FNDC1: variants seen among roughly 807,000 people sequenced by gnomAD.
The protein encoded by FNDC1 is fibronectin type III domain containing 1, also known as fibronectin type III domain-containing protein 1.
Under a neutral mutation model 168.0 loss-of-function variants are expected in FNDC1, and 96 were observed. The observed-to-expected ratio is 0.57, with a 90% CI of 0.48 to 0.68. The LOEUF is 0.68. FNDC1 is among the 30% of genes least tolerant of loss of function. The pLI, the probability that FNDC1 is intolerant of heterozygous loss-of-function variation, is 0.00. For synonymous variants in FNDC1, 1,099 were observed against 1,025.9 expected (o/e 1.07, Z -1.36); for missense variants, 2,587 against 2,482.1 (o/e 1.04, Z -0.90).
intron 4 of FNDC1, among the ~76,000 whole-genome samples, chr6:159,207,852 A>G (rs560744613): frequency 6.6e-6 from 1 of 152,334 alleles, no homozygotes; most frequent in South Asian, 2.1e-4. Flanking sequence ...ACCCCGACAA[A>G]TCAAAACTCT....
chr6:159,169,904 G>A lies in FNDC1; in HGVS notation c.109+199G>A, dbSNP rs1398082680. 3 of 232,526 alleles carry A rather than the reference G, an allele frequency of 1.3e-5. No individual in the cohort carries two copies. Among genetic ancestry groups the A allele is most frequent in the East Asian group, 1.8e-4 (2 of 10,972 alleles). The allele number at this position is 232,526 out of a possible 1,614,324, so 14.4% of individuals were successfully genotyped here. A position where few individuals can be genotyped will look rare whatever the true frequency, so the allele number is the denominator to read the frequency against. On this transcript the variant is annotated intron_variant, in intron 1 of 22. Transcript: ENST00000297267. The surrounding 1 kb of genome is among the most constrained non-coding windows in gnomAD (Gnocchi z 6.8). ...CCTCGGTGCCCGGGGACCGCAGCGC[G>A]CTGGCGTTTAACTTTGCCGTCGCCC...
intron 16 of FNDC1, among the ~76,000 whole-genome samples, 191 bp downstream of exon 16, chr6:159,249,373 T>C (rs1042938919): frequency 6.6e-6 from 1 of 152,186 alleles, no homozygotes; most frequent in Non-Finnish European, 1.5e-5. Context: ...TCTGCCAAAA[T>C]CAGAAGAGGG....
At chr6:159,247,108 G>A (rs930394004) in intron 15 of FNDC1, 139 bp downstream of exon 15, 8 of 674,388 alleles carry the variant, frequency 1.2e-5, no homozygotes, top group Non-Finnish European at 2.1e-5. Context: ...GGCTGGCTTA[G>A]GGAAGGGTGG....
chr6:159,261,045 G>A (rs1777472112), intron 18 of FNDC1, 145 bp from the exon 19 acceptor site: 1 of 600,330 alleles, frequency 1.7e-6, no homozygotes, highest in Non-Finnish European at 2.9e-6. Flanking sequence ...AAAAAGACAT[G>A]AAGAATCACT....
In FNDC1 at chr6:159,269,205, A is replaced by ACATCTATC. The variant is rs745900102; in HGVS notation, c.5569+1279_5569+1280insCATCTATC. 4.0e-3 allele frequency among the ~76,000 whole-genome samples: 461 copies of ACATCTATC among 115,646 alleles called. 41 individuals carry two copies. The highest frequency in any genetic ancestry group is 5.7e-3 in the Non-Finnish European group (312 of 54,338). The allele number at this position is 115,646 out of a possible 152,430, so 75.9% of individuals were successfully genotyped here. ...GTATCCATCCATTATCTACCTATTC[A>ACATCTATC]TATCTATCTATCTATCTATCTATCT... On this transcript the variant is annotated intron_variant, in intron 22 of 22. Transcript: ENST00000297267.
At chr6:159,242,684 A>G (rs182395323) in intron 14 of FNDC1, among the ~76,000 whole-genome samples, 6 of 152,282 alleles carry the variant, frequency 3.9e-5, no homozygotes, top group Non-Finnish European at 8.8e-5. Context: ...ACTCATTAGC[A>G]GTCAGCCCTC....
rs529285696 is a variant in FNDC1, at chr6:159,188,408, T to C, written c.110-9023T>C. Among the ~76,000 whole-genome samples the C allele has an allele frequency of 8.0e-4, 118 of 147,644 alleles. 1 individual carries two copies. The highest frequency in any genetic ancestry group is 1.3e-3 in the Non-Finnish European group (85 of 67,160). ...TTTTTTTTTTGAGACAGAGTCTTGC[T>C]CTGTTGCCCAGGCTGGAGTCCAGTG... On this transcript the variant is annotated intron_variant, in intron 1 of 22. Transcript: ENST00000297267.
intron 17 of FNDC1, among the ~76,000 whole-genome samples, chr6:159,253,775 AGACACAG>A (rs1207162669): frequency 6.6e-6 from 1 of 152,236 alleles, no homozygotes; most frequent in Non-Finnish European, 1.5e-5. Flanking sequence ...ATCAAAACCC[AGACACAG>A]GATCAGCCGA....
At chr6:159,227,651 T>TCC (rs1782981243) in intron 9 of FNDC1, among the ~76,000 whole-genome samples, 1 of 150,956 alleles carries the variant, frequency 6.6e-6, no homozygotes, top group African/African-American at 2.4e-5. Flanking sequence ...TTTCTCTTTT[T>TCC]TTTTTTTTTT....
At position 159,251,655 on chromosome 6, in the gene FNDC1, G is replaced by T. The variant is rs1466565597; in HGVS notation, c.5065+123G>T. On this transcript the variant is annotated intron_variant, in intron 17 of 22. Transcript: ENST00000297267. Reference sequence around the variant, plus strand: ...AGTGGGTTGGATGGGTTGGATGGATGAATGGGATGATGGATAGATGTCTTC... The same window carrying T: ...AGTGGGTTGGATGGGTTGGATGGATTAATGGGATGATGGATAGATGTCTTC... 4 of 784,356 alleles carry T rather than the reference G, an allele frequency of 5.1e-6. No homozygotes were observed. The African/African-American group carries it at 6.8e-5, about 13-fold the overall frequency. 48.6% of individuals were successfully genotyped at this position (784,356 alleles called of 1,614,324 possible).
intron 22 of FNDC1, among the ~76,000 whole-genome samples, chr6:159,269,593 G>GTCTATCTA (rs1239137707): frequency 6.5e-5 from 8 of 122,196 alleles, no homozygotes; most frequent in East Asian, 2.5e-4. Flanking sequence ...CTGTCTGTCT[G>GTCTATCTA]TCTGTCTATC....
intron 9 of FNDC1, among the ~76,000 whole-genome samples, chr6:159,227,415 A>G (rs1469412728): frequency 2.6e-5 from 4 of 152,164 alleles, no homozygotes; most frequent in Non-Finnish European, 5.9e-5. Context: ...ATGTTTGTGT[A>G]AGCTTAAAGA....
chr6:159,257,813 T>A (rs113951370), intron 18 of FNDC1, among the ~76,000 whole-genome samples: 79 of 152,138 alleles, frequency 5.2e-4, no homozygotes, highest in African/African-American at 1.6e-3. Flanking sequence ...AGCACTTTTT[T>A]AAAACTTTTT....
chr6:159,240,177 TG>T, intron 14 of FNDC1, among the ~76,000 whole-genome samples: 1 of 41,806 alleles, frequency 2.4e-5, no homozygotes, highest in Middle Eastern at 0.015. Flanking sequence ...CATATTTATA[TG>T]AAAAAAATTA....
At chr6:159,231,757 A>T in intron 10 of FNDC1, 125 bp from the exon 11 acceptor site, 1 of 715,004 alleles carries the variant, frequency 1.4e-6, no homozygotes, top group Non-Finnish European at 2.3e-6. Flanking sequence ...CTAAGGAATT[A>T]GAAGTTAGCC....
At chr6:159,188,724 G>T (rs180817402) in intron 1 of FNDC1, among the ~76,000 whole-genome samples, 1 of 150,402 alleles carries the variant, frequency 6.6e-6, no homozygotes, top group East Asian at 2.0e-4. Flanking sequence ...TGTGGGGGTA[G>T]CTTCAAAAAT....
chr6:159,261,948 A>ATT (rs67081649), intron 19 of FNDC1, among the ~76,000 whole-genome samples: 12 of 151,172 alleles, frequency 7.9e-5, no homozygotes, highest in Non-Finnish European at 1.6e-4. Flanking sequence ...CAAAAAAAAA[A>ATT]TTTTTTTTAA....
intron 1 of FNDC1, among the ~76,000 whole-genome samples, chr6:159,176,898 C>T (rs1474906582): frequency 6.6e-6 from 1 of 152,176 alleles, no homozygotes; most frequent in Non-Finnish European, 1.5e-5. Context: ...AGACCAAATG[C>T]CTATATTGTA....
rs1783079693 is a variant in FNDC1 at position 159,231,407 on chromosome 6, T to G, written c.1370-475T>G. 1.3e-5 allele frequency among the ~76,000 whole-genome samples: 2 copies of G among 152,122 alleles called. 1 individual carries two copies. The highest frequency in any genetic ancestry group is 4.2e-4 in the South Asian group (2 of 4,806). ...AAAAAAAAAAAAAATTACAAATTGG[T>G]TGCTCGTCACACATTCCCCATCACT... On this transcript the variant is annotated intron_variant, in intron 10 of 22. Transcript: ENST00000297267.
Sources: allele counts gnomAD v4.1 joint callset (sites outside exome capture counted in the v4.1 genomes callset), GRCh38; gene constraint gnomAD v4.1.1; non-coding constraint Gnocchi (gnomAD v3.1); transcripts MANE v1.5; gene names NCBI Gene and HGNC (gene_info 2026-07-23, HGNC 2026-07-21).